Variants in PRSS21 observed in about 807,000 individuals in gnomAD.
The protein encoded by PRSS21 is testisin.
Under a neutral mutation model 31.1 loss-of-function variants are expected in PRSS21, and 40 were observed. That is an observed-to-expected ratio of 1.29 (90% CI 1.00 to 1.68). PRSS21 has a LOEUF of 1.68. Among genes scored for constraint, PRSS21 ranks in the 40% most tolerant of loss-of-function variants. PRSS21 has a pLI of 0.00. For synonymous variants in PRSS21, 186 were observed against 167.7 expected, an observed-to-expected ratio of 1.11 and a Z score of -0.84; for missense variants, 467 against 412.6, an observed-to-expected ratio of 1.13 and a Z score of -1.14.
chr16:2,820,768 C>T (rs574583120), intron 4 of PRSS21, among the ~76,000 whole-genome samples, 187 bp from the exon 5 acceptor site: 18 of 152,294 alleles, frequency 1.2e-4, no homozygotes, highest in African/African-American at 4.1e-4. Context: ...TGTCCCTCCC[C>T]GGGGCCTTCT....
At chr16:2,818,651 C>T (rs1316494659) in intron 3 of PRSS21, 26 bp from the exon 4 acceptor site, 1 of 1,608,326 alleles carries the variant, frequency 6.2e-7, no homozygotes. Context: ...TCCAGGGCCC[C>T]TGACTGCTCT....
chr16:2,817,755 T>TG lies in PRSS21; in HGVS notation c.92-40dup, dbSNP rs1216270022. On this transcript the variant is annotated intron_variant, in intron 2 of 5. Coordinates refer to ENST00000005995, the MANE Select transcript of PRSS21 (RefSeq NM_006799.4). This position sits in a 1 kb window ranked among gnomAD's most constrained non-coding sequence, Gnocchi z 4.2. ...AGGGGAGAAAGGGAGAGGTCGGGCT[T>TG]GGGGGGCTGCCTCCCGCGGCTCAGC... is the stretch of plus-strand genomic sequence containing the variant. 13 of 1,537,234 alleles carry TG rather than the reference T, an allele frequency of 8.5e-6. No homozygotes were observed. Among genetic ancestry groups the TG allele is most frequent in the Non-Finnish European group, 9.6e-6 (11 of 1,140,434 alleles).
At chr16:2,820,907 A>C in intron 4 of PRSS21, 48 bp from the exon 5 acceptor site, 1 of 1,590,596 alleles carries the variant, frequency 6.3e-7, no homozygotes, top group Non-Finnish European at 8.6e-7. Flanking sequence ...CCCTCCATAG[A>C]GGGGCCTCAG....
In PRSS21 at chr16:2,817,904, C is replaced by G. The variant is rs749575683; in HGVS notation, c.195C>G (p.His65Gln). ...GGAGCCTGCGCCTGTGGGATTCCCACGTATGCGGAGTGAGCCTGCTCAGCC... is the reference window on the plus strand; with the variant it reads ...GGAGCCTGCGCCTGTGGGATTCCCAGGTATGCGGAGTGAGCCTGCTCAGCC... The part of the protein sequence containing the change: ...WQGSLRLWDS[H>Q]VCGVSLLSHR... The change falls in exon 3 of 6, where the codon CAC becomes CAG. Residue 65 changes from histidine to glutamine, a missense_variant. Transcript: ENST00000005995. This position sits in a 1 kb window ranked among gnomAD's most constrained non-coding sequence, Gnocchi z 4.2. 67 of 1,549,432 alleles carry G rather than the reference C, an allele frequency of 4.3e-5. No individual in the cohort carries two copies. Among genetic ancestry groups the G allele is most frequent in the Non-Finnish European group, 5.5e-5 (63 of 1,146,888 alleles).
Position 2,817,826 on chromosome 16 carries a change from GTCGCGCA to G in PRSS21, c.121_127del (p.Arg41TrpfsTer27), listed in dbSNP as rs1451932470. ...GACCATGCGGCCGACGGGTCATCAC[GTCGCGCA>G]TCGTGGGTGGAGAGGACGCCGAACT... On this transcript the variant is annotated frameshift_variant, in exon 3 of 6. Coordinates refer to ENST00000005995, the MANE Select transcript of PRSS21 (RefSeq NM_006799.4). LOFTEE classifies it high-confidence loss of function. This position sits in a 1 kb window ranked among gnomAD's most constrained non-coding sequence, Gnocchi z 4.2. 2 of 1,550,836 alleles carry G rather than the reference GTCGCGCA, an allele frequency of 1.3e-6. No individual in the cohort carries two copies. Among genetic ancestry groups the G allele is most frequent in the Non-Finnish European group, 1.7e-6 (2 of 1,147,330 alleles).
intron 5 of PRSS21, 67 bp from the exon 6 acceptor site, chr16:2,821,299 C>T: frequency 6.3e-7 from 1 of 1,590,006 alleles, no homozygotes. Flanking sequence ...TAGCCCTTCC[C>T]ACTCTCAGCC....
rs757004515 is a variant in PRSS21, at chr16:2,817,457, G to A, written c.91+1G>A. ...TCGCAGGAGGCGGCGCCGTTATCAG[G>A]TAGGGCGCCCAGGACGCGCGATTCC... On this transcript the variant is annotated splice_donor_variant, in intron 2 of 5. Coordinates refer to ENST00000005995, the MANE Select transcript of PRSS21 (RefSeq NM_006799.4). LOFTEE classifies it high-confidence loss of function. The surrounding 1 kb of genome is among the most constrained non-coding windows in gnomAD (Gnocchi z 4.2). The A allele has an allele frequency of 1.3e-6, 2 of 1,588,704 alleles. No homozygotes were observed. Among genetic ancestry groups the A allele is most frequent in the Non-Finnish European group, 1.7e-6 (2 of 1,173,924 alleles).
At position 2,821,425 on chromosome 16, in the gene PRSS21, CGTG is replaced by C. The variant is rs766923475; in HGVS notation, c.766_768del (p.Val256del). ...ATGGACTGTGGTATCAGATTGGAGT[CGTG>C]AGCTGGGGAGTGGGCTGTGGTCGGC... On this transcript the variant is annotated inframe_deletion, in exon 6 of 6. Coordinates refer to ENST00000005995, the MANE Select transcript of PRSS21 (RefSeq NM_006799.4). 1 of 1,614,220 alleles carries C rather than the reference CGTG, an allele frequency of 6.2e-7. No homozygotes were observed. Among genetic ancestry groups the C allele is most frequent in the South Asian group, 1.1e-5 (1 of 91,086 alleles).
Position 2,817,532 on chromosome 16 carries a change from G to T in PRSS21, c.91+76G>T. 1.4e-6 allele frequency: 2 copies of T among 1,392,750 alleles called. No individual in the cohort carries two copies. The highest frequency in any genetic ancestry group is 1.3e-5 in the South Asian group (1 of 74,446). The allele number at this position is 1,392,750 out of a possible 1,614,324, so 86.3% of individuals were successfully genotyped here. On this transcript the variant is annotated intron_variant, in intron 2 of 5. Coordinates refer to ENST00000005995, the MANE Select transcript of PRSS21 (RefSeq NM_006799.4). The surrounding 1 kb of genome is among the most constrained non-coding windows in gnomAD (Gnocchi z 4.2). Reference sequence around the variant, plus strand: ...GACGGGGGGCGGTGAGGGGGTAGAGGGGGGCCTTTACTGCTCTCTCGCCCC... The same window carrying T: ...GACGGGGGGCGGTGAGGGGGTAGAGTGGGGCCTTTACTGCTCTCTCGCCCC...
At chr16:2,820,023 C>T (rs1204419507) in intron 4 of PRSS21, among the ~76,000 whole-genome samples, 2 of 152,196 alleles carry the variant, frequency 1.3e-5, no homozygotes, top group East Asian at 3.9e-4. Flanking sequence ...GCCACCCTCT[C>T]TCCCCAGCCC....
In PRSS21 at chr16:2,818,795, C is replaced by T; in HGVS notation, c.376C>T (p.Leu126=). ...CCGTTACTTCGTATCGAATATCTATCTGAGCCCTCGCTACCTGGGGAATTC... is the reference window on the plus strand; with the variant it reads ...CCGTTACTTCGTATCGAATATCTATTTGAGCCCTCGCTACCTGGGGAATTC... ...YTRYFVSNIY[L]SPRYLGNSPY... The change falls in exon 4 of 6, where the codon CTG becomes TTG. Residue 126 remains leucine, a synonymous_variant. Transcript: ENST00000005995. 1 of 1,613,684 alleles carries T rather than the reference C, an allele frequency of 6.2e-7. No homozygotes were observed. Among genetic ancestry groups the T allele is most frequent in the South Asian group, 1.1e-5 (1 of 91,074 alleles).
chr16:2,821,395 C>G lies in PRSS21; in HGVS notation c.735C>G (p.Asn245Lys), dbSNP rs560512459. The G allele has an allele frequency of 6.2e-7, 1 of 1,614,200 alleles. No homozygotes were observed. The highest frequency in any genetic ancestry group is 1.3e-5 in the African/African-American group (1 of 75,052). Residue 245 changes from asparagine to lysine, a missense_variant, in exon 6 of 6, where the codon AAC (asparagine) becomes AAG (lysine). Physicochemically the swap from Asn to Lys is moderately conservative, Grantham distance 94. Transcript: ENST00000005995. ...ACTCAGGTGGACCCTTGGCCTGTAA[C>G]AAGAATGGACTGTGGTATCAGATTG... Reference protein sequence around the residue: ...FGDSGGPLACNKNGLWYQIGV... With the variant: ...FGDSGGPLACKKNGLWYQIGV...
chr16:2,819,108 C>T, intron 4 of PRSS21, 139 bp downstream of exon 4: 1 of 995,780 alleles, frequency 1.0e-6, no homozygotes, highest in Non-Finnish European at 1.5e-6. Context: ...CCTGCCAGGG[C>T]AGGGACCAAA....
At chr16:2,820,203 C>T (rs1167381458) in intron 4 of PRSS21, among the ~76,000 whole-genome samples, 3 of 152,214 alleles carry the variant, frequency 2.0e-5, no homozygotes, top group Non-Finnish European at 2.9e-5. Flanking sequence ...CAGTTTCCTC[C>T]CCTGTGAAAT....
chr16:2,821,588 C>T lies in PRSS21; in HGVS notation c.928C>T (p.Leu310Phe). The T allele has an allele frequency of 6.2e-7, 1 of 1,613,212 alleles. No homozygotes were observed. Among genetic ancestry groups the T allele is most frequent in the Non-Finnish European group, 8.5e-7 (1 of 1,179,824 alleles). Reference sequence around the variant, plus strand: ...TTTCCCTCTTCTCTGGGCTCTCCCACTCCTGGGGCCGGTCTGAGCCTACCT... The same window carrying T: ...TTTCCCTCTTCTCTGGGCTCTCCCATTCCTGGGGCCGGTCTGAGCCTACCT... ...LFFPLLWALP[L>F]LGPV Residue 310 changes from leucine (L) to phenylalanine (F), a missense_variant, in exon 6 of 6, where the codon CTC becomes TTC. Coordinates refer to ENST00000005995, the MANE Select transcript of PRSS21 (RefSeq NM_006799.4).
rs186967725 is a variant in PRSS21 at position 2,817,585 on chromosome 16, C to T, written c.91+129C>T. Reference sequence around the variant, plus strand: ...CCCCCGGGATCGAGAACTCTGTTGGCGTGGAAAGTAACTAACGGACGCTGG... The same window carrying T: ...CCCCCGGGATCGAGAACTCTGTTGGTGTGGAAAGTAACTAACGGACGCTGG... On this transcript the variant is annotated intron_variant, in intron 2 of 5. Coordinates refer to ENST00000005995, the MANE Select transcript of PRSS21 (RefSeq NM_006799.4). The surrounding 1 kb of genome is among the most constrained non-coding windows in gnomAD (Gnocchi z 4.2). The T allele has an allele frequency of 1.1e-3, 1,482 of 1,393,652 alleles. 6 individuals are homozygous for T. Among genetic ancestry groups the T allele is most frequent in the South Asian group, 1.7e-3 (124 of 71,308 alleles). The allele number at this position is 1,393,652 out of a possible 1,614,324, so 86.3% of individuals were successfully genotyped here. A position where few individuals can be genotyped will look rare whatever the true frequency, so the allele number is the denominator to read the frequency against.
rs78196739 is a variant in PRSS21, at chr16:2,818,300, C to A, written c.257+334C>A. Among the ~76,000 whole-genome samples the A allele has an allele frequency of 1.4e-4, 21 of 152,294 alleles. No homozygotes were observed. In the East Asian group the frequency reaches 4.0e-3, roughly 29 times the overall value. On this transcript the variant is annotated intron_variant, in intron 3 of 5. Transcript: ENST00000005995. ...TCATCCCCCCTCCTGGTGGACGGTG[C>A]GGTACAGTGTGGGGCACTGAGCCAA...
chr16:2,818,393 C>G (rs2069115732), intron 3 of PRSS21, among the ~76,000 whole-genome samples: 1 of 152,212 alleles, frequency 6.6e-6, no homozygotes, highest in South Asian at 2.1e-4. Context: ...GTGCATCTCC[C>G]CATTCCTCCT....
intron 4 of PRSS21, among the ~76,000 whole-genome samples, chr16:2,820,711 G>T (rs1206489232): frequency 6.6e-6 from 1 of 152,164 alleles, no homozygotes; most frequent in Non-Finnish European, 1.5e-5. Flanking sequence ...GGCCATTGTT[G>T]CCATTCTACA....
Sources: allele counts gnomAD v4.1 joint callset (sites outside exome capture counted in the v4.1 genomes callset), GRCh38; gene constraint gnomAD v4.1.1; non-coding constraint Gnocchi (gnomAD v3.1); transcripts MANE v1.5; gene names NCBI Gene and HGNC (gene_info 2026-07-23, HGNC 2026-07-21).